The following ARHGAP26 variants were observed in gnomAD, a reference collection of about 807,000 sequenced individuals.
ARHGAP26 encodes Rho GTPase activating protein 26.
Under a neutral mutation model 104.8 loss-of-function variants are expected in ARHGAP26, and 38 were observed. The ratio of observed to expected loss-of-function variants is 0.36; its 90% CI spans 0.28 to 0.48. The LOEUF (loss-of-function observed/expected upper bound fraction) is 0.48. Among genes scored for constraint, ARHGAP26 ranks in the 20% least tolerant of loss-of-function variants. The pLI, the probability that ARHGAP26 is intolerant of heterozygous loss-of-function variation, is 0.99. For synonymous variants in ARHGAP26, 341 were observed against 340.0 expected, an observed-to-expected ratio of 1.00 and a Z score of -0.03; for missense variants, 704 against 947.9, an observed-to-expected ratio of 0.74 and a Z score of 3.38.
At chr5:143,208,829 C>T (rs146444461) in intron 21 of ARHGAP26, among the ~76,000 whole-genome samples, 6 of 152,272 alleles carry the variant, frequency 3.9e-5, no homozygotes, top group South Asian at 2.1e-4. Context: ...TTTTTTTTCT[C>T]ACTCTATAAA....
intron 1 of ARHGAP26, among the ~76,000 whole-genome samples, chr5:142,850,887 A>G (rs547501898): frequency 9.6e-4 from 147 of 152,384 alleles, no homozygotes; most frequent in Non-Finnish European, 1.8e-3. Context: ...TCACTGGTAT[A>G]GCCAATGCTT....
intron 11 of ARHGAP26, among the ~76,000 whole-genome samples, chr5:142,959,586 G>A (rs1418195121): frequency 2.6e-5 from 4 of 152,162 alleles, no homozygotes; most frequent in African/African-American, 7.2e-5. Context: ...TCCTCTTGAG[G>A]CTCCTCCATG....
At position 142,871,782 on chromosome 5, in the gene ARHGAP26, C is replaced by G. The variant is rs1005867298; in HGVS notation, c.155-1618C>G. On this transcript the variant is annotated intron_variant, in intron 1 of 22. Coordinates refer to ENST00000645722, the MANE Select transcript of ARHGAP26 (RefSeq NM_001135608.3). The surrounding 1 kb of genome is among the most constrained non-coding windows in gnomAD (Gnocchi z 4.1). ...CTGGGCTGGCCATTTTTGTCAGATG[C>G]CTGAGTCCCCTGCCAACATCTTTTG... 6.6e-6 allele frequency among the ~76,000 whole-genome samples: 1 copy of G among 152,158 alleles called. No individual in the cohort carries two copies. The highest frequency in any genetic ancestry group is 2.4e-5 in the African/African-American group (1 of 41,426).
At chr5:143,012,230 A>T (rs1451961367) in intron 11 of ARHGAP26, among the ~76,000 whole-genome samples, 2 of 151,982 alleles carry the variant, frequency 1.3e-5, no homozygotes, top group Non-Finnish European at 2.9e-5. Flanking sequence ...TTCTTTAGAA[A>T]ATTAATAATA....
intron 10 of ARHGAP26, among the ~76,000 whole-genome samples, chr5:142,924,741 T>C (rs1562090517): frequency 6.6e-6 from 1 of 152,228 alleles, no homozygotes; most frequent in Non-Finnish European, 1.5e-5. Flanking sequence ...CGCATAGTAG[T>C]GCAGATTCAT....
At chr5:142,958,194 C>G (rs1399025693) in intron 11 of ARHGAP26, among the ~76,000 whole-genome samples, 2 of 152,056 alleles carry the variant, frequency 1.3e-5, no homozygotes, top group Non-Finnish European at 2.9e-5. Flanking sequence ...GTTTGGCACC[C>G]AGATTGTGTT....
chr5:142,943,958 A>G (rs1160141163), intron 11 of ARHGAP26, among the ~76,000 whole-genome samples: 1 of 152,186 alleles, frequency 6.6e-6, no homozygotes, highest in Admixed American at 6.5e-5. Flanking sequence ...TTCATAATGC[A>G]CGTTAATTTT....
At chr5:142,809,816 C>G (rs1045805132) in intron 1 of ARHGAP26, among the ~76,000 whole-genome samples, 6 of 152,186 alleles carry the variant, frequency 3.9e-5, no homozygotes, top group Non-Finnish European at 2.9e-5. Context: ...TTCATCCATT[C>G]AATACCAATT....
Position 142,907,717 on chromosome 5 carries a change from T to A in ARHGAP26, c.846T>A (p.Thr282=), listed in dbSNP as rs1761296339. The A allele has an allele frequency of 6.2e-7, 1 of 1,604,630 alleles. No homozygotes were observed. Among genetic ancestry groups the A allele is most frequent in the Non-Finnish European group, 8.5e-7 (1 of 1,173,764 alleles). The change falls in exon 9 of 23, where the codon ACT becomes ACA. Residue 282 remains threonine, a synonymous_variant. Transcript: ENST00000645722. The part of the protein sequence containing the change: ...LYVQEKRHFG[T]SWVKHYCTYQ... ...ATTACCTTTCAGGTCACTTTGGAAC[T>A]TCTTGGGTGAAGCACTACTGTACAT...
chr5:142,831,021 C>T (rs1422188644), intron 1 of ARHGAP26, among the ~76,000 whole-genome samples: 1 of 152,122 alleles, frequency 6.6e-6, no homozygotes, highest in Non-Finnish European at 1.5e-5. Flanking sequence ...TAGCACCTAC[C>T]CTGTAGGAGT....
At chr5:142,801,293 C>G (rs1762030974) in intron 1 of ARHGAP26, among the ~76,000 whole-genome samples, 1 of 152,186 alleles carries the variant, frequency 6.6e-6, no homozygotes. Context: ...TAGTGCTGCA[C>G]TGTGGGATAA....
At chr5:143,162,636 C>T (rs192897960) in intron 20 of ARHGAP26, among the ~76,000 whole-genome samples, 17 of 152,318 alleles carry the variant, frequency 1.1e-4, no homozygotes, top group South Asian at 4.2e-4. Context: ...CCTTACTGCC[C>T]GCTTTCCCCT....
intron 19 of ARHGAP26, among the ~76,000 whole-genome samples, chr5:143,145,829 G>C (rs1799088338): frequency 6.6e-6 from 1 of 152,170 alleles, no homozygotes; most frequent in Non-Finnish European, 1.5e-5. Context: ...GATTTGCTAA[G>C]ATATCAGGGG....
chr5:142,773,094 A>C (rs1755574939), intron 1 of ARHGAP26, among the ~76,000 whole-genome samples: 1 of 152,082 alleles, frequency 6.6e-6, no homozygotes, highest in Non-Finnish European at 1.5e-5. Context: ...TGACCTCTAA[A>C]AATAGAGGGT....
intron 1 of ARHGAP26, among the ~76,000 whole-genome samples, chr5:142,838,815 A>G (rs1008310912): frequency 6.6e-6 from 1 of 152,252 alleles, no homozygotes; most frequent in Admixed American, 6.5e-5. Flanking sequence ...CATTATACAG[A>G]CAAGGAAACA....
At chr5:142,941,336 T>C (rs757924258) in intron 11 of ARHGAP26, among the ~76,000 whole-genome samples, 3 of 152,104 alleles carry the variant, frequency 2.0e-5, no homozygotes, top group Non-Finnish European at 4.4e-5. Context: ...TCATTGTAGT[T>C]TTGATTTGTA....
intron 17 of ARHGAP26, among the ~76,000 whole-genome samples, chr5:143,115,827 G>T (rs938842248): frequency 1.3e-5 from 2 of 152,190 alleles, no homozygotes; most frequent in African/African-American, 4.8e-5. Context: ...CCATCCAGCT[G>T]TTAATGTCTG....
intron 20 of ARHGAP26, among the ~76,000 whole-genome samples, chr5:143,149,099 T>TA (rs1799502556): frequency 6.6e-6 from 1 of 152,128 alleles, no homozygotes; most frequent in South Asian, 2.1e-4. Context: ...GGTGTCTAGA[T>TA]ACGATTTATT....
chr5:142,898,347 G>T (rs1039139935), intron 6 of ARHGAP26, among the ~76,000 whole-genome samples: 6 of 152,112 alleles, frequency 3.9e-5, no homozygotes, highest in Admixed American at 6.6e-5. Context: ...CTCCATGAAG[G>T]TGAAGCCACA....
Sources: gnomAD v4.1 joint callset for allele counts (sites outside exome capture counted in the v4.1 genomes callset) on GRCh38, gnomAD v4.1.1 for gene constraint, Gnocchi (gnomAD v3.1) non-coding constraint, MANE v1.5 for transcripts, NCBI Gene and HGNC (gene_info 2026-07-23, HGNC 2026-07-21) for gene names.